ADAM12: variants seen among roughly 807,000 people sequenced by gnomAD.
The protein encoded by ADAM12 is ADAM metallopeptidase domain 12, also known as disintegrin and metalloproteinase domain-containing protein 12.
ADAM12 carries 70 observed loss-of-function variants against 106.4 expected under a neutral mutation model. The observed-to-expected ratio is 0.66, with a 90% CI of 0.54 to 0.80. ADAM12 has a LOEUF of 0.80. ADAM12 is among the 30% of genes least tolerant of loss of function. ADAM12 has a pLI of 0.00. For synonymous variants in ADAM12, 420 were observed against 433.5 expected, an observed-to-expected ratio of 0.97 and a Z score of 0.39; for missense variants, 1,010 against 1,171.9, an observed-to-expected ratio of 0.86 and a Z score of 2.02.
intron 4 of ADAM12, among the ~76,000 whole-genome samples, chr10:126,144,105 T>G (rs188313291): frequency 6.8e-4 from 104 of 152,326 alleles, no homozygotes; most frequent in African/African-American, 2.3e-3. Flanking sequence ...CAGGGACCAC[T>G]GAAATCATTT....
At chr10:126,155,946 C>T (rs1009415133) in intron 3 of ADAM12, among the ~76,000 whole-genome samples, 6 of 121,492 alleles carry the variant, frequency 4.9e-5, no homozygotes, top group Non-Finnish European at 8.6e-5. Context: ...GAGGAAACCC[C>T]GTTTATGCTA....
chr10:126,076,229 T>C (rs7068544), intron 11 of ADAM12, among the ~76,000 whole-genome samples: 18,696 of 152,306 alleles, frequency 0.12, 1,484 homozygotes, highest in African/African-American at 0.21. Context: ...GGCCTCCGGC[T>C]CCATCCATGT....
rs1297744706 is a variant in ADAM12, at chr10:126,314,118, A to C, written c.186+16294T>G. Among the ~76,000 whole-genome samples the C allele has an allele frequency of 2.0e-5, 3 of 152,170 alleles. No individual in the cohort carries two copies. In the East Asian group the frequency reaches 5.8e-4, roughly 29 times the overall value. On this transcript the variant is annotated intron_variant, in intron 2 of 22. Transcript: ENST00000448723. ...CAAGCCAGGAATAAGATGAGAAGCC[A>C]AGTGTGGAGGATGAGGCATCACCAC... is the stretch of plus-strand genomic sequence containing the variant.
chr10:126,165,221 G>A (rs961199095), intron 3 of ADAM12, among the ~76,000 whole-genome samples: 1 of 152,102 alleles, frequency 6.6e-6, no homozygotes, highest in Admixed American at 6.5e-5. Context: ...AGGCTGGAGT[G>A]CAGTGGTGCG....
intron 12 of ADAM12, among the ~76,000 whole-genome samples, chr10:126,067,427 GGCTGTGCCCATTGATTT>G (rs150144708): frequency 0.019 from 2,887 of 152,316 alleles, 103 homozygotes; most frequent in African/African-American, 0.066. Flanking sequence ...GAGGCCTGTG[GGCTGTGCCCATTGATTT>G]GCGAGGGATT....
intron 2 of ADAM12, among the ~76,000 whole-genome samples, chr10:126,293,529 G>A (rs1960243532): frequency 6.6e-6 from 1 of 152,072 alleles, no homozygotes; most frequent in South Asian, 2.1e-4. Flanking sequence ...TATTTATTTT[G>A]TTTTTTGAGA....
intron 3 of ADAM12, among the ~76,000 whole-genome samples, chr10:126,207,827 T>C (rs551844091): frequency 5.3e-5 from 8 of 152,212 alleles, no homozygotes; most frequent in Admixed American, 6.5e-5. Flanking sequence ...TCTCAGGAAT[T>C]AGAGATTCAA....
chr10:126,049,566 C>T lies in ADAM12; in HGVS notation c.1713G>A (p.Glu571=). 6.2e-7 allele frequency: 1 copy of T among 1,614,192 alleles called. No homozygotes were observed. The highest frequency in any genetic ancestry group is 8.5e-7 in the Non-Finnish European group (1 of 1,180,008). The part of the protein sequence containing the change: ...KVSKSSFAKC[E]MRDAKCGKIQ... ...AGGATGTCTGGATTCCATACCTCATCTCGCATTTGGCAAAGGAACTCTTCG... is the reference window on the plus strand; with the variant it reads ...AGGATGTCTGGATTCCATACCTCATTTCGCATTTGGCAAAGGAACTCTTCG... Residue 571 remains glutamate, a synonymous_variant, in exon 15 of 23, where the codon GAG becomes GAA. Coordinates refer to ENST00000448723, the MANE Select transcript of ADAM12 (RefSeq NM_001288973.2). The surrounding 1 kb of genome is among the most constrained non-coding windows in gnomAD (Gnocchi z 4.4).
intron 6 of ADAM12, among the ~76,000 whole-genome samples, chr10:126,114,574 G>A (rs1955945715): frequency 6.6e-6 from 1 of 152,212 alleles, no homozygotes; most frequent in African/African-American, 2.4e-5. Flanking sequence ...CTGCCTCCTG[G>A]TTTCAAGTGA....
At chr10:126,290,248 C>G (rs1467995779) in intron 2 of ADAM12, among the ~76,000 whole-genome samples, 1 of 152,184 alleles carries the variant, frequency 6.6e-6, no homozygotes, top group Non-Finnish European at 1.5e-5. Flanking sequence ...GCCAGTGCGT[C>G]AAGGAGCAGG....
At chr10:126,297,811 C>A (rs1335790743) in intron 2 of ADAM12, among the ~76,000 whole-genome samples, 4 of 152,012 alleles carry the variant, frequency 2.6e-5, no homozygotes, top group African/African-American at 4.8e-5. Flanking sequence ...GGTATGATCC[C>A]AAAATGGGGA....
intron 5 of ADAM12, among the ~76,000 whole-genome samples, chr10:126,129,278 G>A (rs966222866): frequency 7.2e-5 from 11 of 152,238 alleles, no homozygotes; most frequent in Non-Finnish European, 1.5e-4. Context: ...AAAAATTAGA[G>A]AGAGACAACC....
At chr10:126,075,456 A>G (rs1955081157) in intron 11 of ADAM12, among the ~76,000 whole-genome samples, 1 of 152,228 alleles carries the variant, frequency 6.6e-6, no homozygotes, top group South Asian at 2.1e-4. Context: ...GAACAAAAAA[A>G]TCTCAGCCCT....
chr10:126,321,310 T>G (rs1854087119), intron 2 of ADAM12, among the ~76,000 whole-genome samples: 1 of 152,206 alleles, frequency 6.6e-6, no homozygotes, highest in Non-Finnish European at 1.5e-5. Flanking sequence ...GATTTTTTTT[T>G]CAAAAGGACC....
intron 13 of ADAM12, among the ~76,000 whole-genome samples, chr10:126,065,352 A>C (rs1954845616): frequency 6.6e-6 from 1 of 152,178 alleles, no homozygotes; most frequent in African/African-American, 2.4e-5. Flanking sequence ...CTTAAGAAAA[A>C]GGTCTCTGGG....
chr10:126,046,528 G>A (rs1033560305), intron 16 of ADAM12, among the ~76,000 whole-genome samples: 1 of 151,780 alleles, frequency 6.6e-6, no homozygotes, highest in Admixed American at 6.6e-5. Flanking sequence ...GGCGAGGTTG[G>A]GCACGGTTGC....
chr10:126,202,689 C>T (rs567439929), intron 3 of ADAM12, among the ~76,000 whole-genome samples: 201 of 152,270 alleles, frequency 1.3e-3, no homozygotes, highest in African/African-American at 4.7e-3. Flanking sequence ...ACAAACTACT[C>T]ACAACGTACA....
chr10:126,024,740 A>T (rs1209707055), intron 21 of ADAM12, among the ~76,000 whole-genome samples: 1 of 152,166 alleles, frequency 6.6e-6, no homozygotes, highest in Non-Finnish European at 1.5e-5. Flanking sequence ...CCAATCAAGG[A>T]CAAATAAAAT....
At chr10:126,362,230 A>C (rs1009180660) in intron 1 of ADAM12, among the ~76,000 whole-genome samples, 1 of 152,210 alleles carries the variant, frequency 6.6e-6, no homozygotes, top group Non-Finnish European at 1.5e-5. Flanking sequence ...ATAAAACCAC[A>C]ATGAGATATT....
Sources: allele counts gnomAD v4.1 joint callset (sites outside exome capture counted in the v4.1 genomes callset), GRCh38; gene constraint gnomAD v4.1.1; non-coding constraint Gnocchi (gnomAD v3.1); transcripts MANE v1.5; gene names NCBI Gene and HGNC (gene_info 2026-07-23, HGNC 2026-07-21).